Variants in CTNNA2 observed in about 807,000 individuals in gnomAD.
CTNNA2 encodes the protein catenin alpha 2, also known as catenin alpha-2.
Under a neutral mutation model 101.0 loss-of-function variants are expected in CTNNA2, and 42 were observed. The ratio of observed to expected loss-of-function variants is 0.42; its 90% CI spans 0.32 to 0.54. CTNNA2 has a LOEUF of 0.54. CTNNA2 is among the 20% of genes least tolerant of loss of function. The pLI, the probability that CTNNA2 is intolerant of heterozygous loss-of-function variation, is 0.14. For synonymous variants in CTNNA2, 450 were observed against 456.4 expected, an observed-to-expected ratio of 0.99 and a Z score of 0.18; for missense variants, 871 against 1,223.1, an observed-to-expected ratio of 0.71 and a Z score of 4.29.
At chr2:79,962,717 A>C (rs552560546) in intron 7 of CTNNA2, among the ~76,000 whole-genome samples, 1 of 152,182 alleles carries the variant, frequency 6.6e-6, no homozygotes, top group Non-Finnish European at 1.5e-5. Context: ...TGATTGGAGC[A>C]CATGTTGGTG....
intron 1 of CTNNA2, among the ~76,000 whole-genome samples, chr2:79,574,584 C>T (rs988179238): frequency 6.6e-6 from 1 of 152,080 alleles, no homozygotes; most frequent in Non-Finnish European, 1.5e-5. Flanking sequence ...TTACGTGGTA[C>T]GTATGTACCA....
At chr2:79,893,759 G>A (rs1684466471) in intron 6 of CTNNA2, among the ~76,000 whole-genome samples, 1 of 152,106 alleles carries the variant, frequency 6.6e-6, no homozygotes, top group Admixed American at 6.5e-5. Context: ...TAATCCTGCA[G>A]TTTGTTCTTT....
At chr2:79,247,715 A>G (rs1204847635) in intron 2 of CTNNA2, among the ~76,000 whole-genome samples, 3 of 152,228 alleles carry the variant, frequency 2.0e-5, no homozygotes, top group African/African-American at 7.2e-5. Context: ...TAGGGAGATT[A>G]TTCTGGATTT....
chr2:80,108,532 A>T (rs536259906), intron 7 of CTNNA2, among the ~76,000 whole-genome samples: 1 of 152,190 alleles, frequency 6.6e-6, no homozygotes, highest in African/African-American at 2.4e-5. Flanking sequence ...GCCCATGCTC[A>T]TTCAGGATCC....
chr2:79,552,771 G>T (rs1483369016), intron 1 of CTNNA2, among the ~76,000 whole-genome samples: 1 of 152,188 alleles, frequency 6.6e-6, no homozygotes, highest in Non-Finnish European at 1.5e-5. Context: ...TTTAGCTGAG[G>T]CTGGAGCTGG....
chr2:79,192,700 T>C (rs891404729), intron 1 of CTNNA2, among the ~76,000 whole-genome samples: 6 of 152,202 alleles, frequency 3.9e-5, no homozygotes, highest in African/African-American at 1.4e-4. Context: ...AATTAGTTGA[T>C]GAATGACAGA....
intron 4 of CTNNA2, among the ~76,000 whole-genome samples, chr2:79,863,262 G>T (rs1287330197): frequency 6.6e-6 from 1 of 152,156 alleles, no homozygotes; most frequent in African/African-American, 2.4e-5. Context: ...TAGTTAACAT[G>T]GTCAGGACTC....
chr2:79,971,504 C>T lies in CTNNA2; in HGVS notation c.1056+61707C>T, dbSNP rs139526893. 8.5e-3 allele frequency among the ~76,000 whole-genome samples: 1,291 copies of T among 152,210 alleles called. 6 individuals are homozygous for T. Among genetic ancestry groups the T allele is most frequent in the Non-Finnish European group, 0.014 (978 of 68,026 alleles). ...ATCCTAAGGCAGGTGCTATGTTAAG[C>T]ACTTTGCATGGATGACCTCATTTAC... is the stretch of plus-strand genomic sequence containing the variant. On this transcript the variant is annotated intron_variant, in intron 7 of 18. Transcript: ENST00000402739.
chr2:80,552,647 C>T (rs1217906189), intron 11 of CTNNA2, among the ~76,000 whole-genome samples: 6 of 152,220 alleles, frequency 3.9e-5, no homozygotes, highest in Admixed American at 3.9e-4. Context: ...TATTTACACA[C>T]CTAGATGGTA....
intron 7 of CTNNA2, among the ~76,000 whole-genome samples, chr2:80,320,273 A>G (rs1456883123): frequency 6.6e-6 from 1 of 152,210 alleles, no homozygotes; most frequent in Non-Finnish European, 1.5e-5. Flanking sequence ...TTTTGTAAGG[A>G]CCACTTCTAA....
intron 1 of CTNNA2, among the ~76,000 whole-genome samples, chr2:79,535,225 T>G (rs1482457316): frequency 6.8e-6 from 1 of 147,768 alleles, no homozygotes; most frequent in East Asian, 2.0e-4. Flanking sequence ...TATTTTGCTC[T>G]TTTTTTTTTG....
At chr2:79,916,796 GA>G (rs1299072419) in intron 7 of CTNNA2, among the ~76,000 whole-genome samples, 2 of 150,842 alleles carry the variant, frequency 1.3e-5, no homozygotes, top group East Asian at 4.0e-4. Flanking sequence ...CTAATTTTTT[GA>G]ATTCTTAGTA....
intron 2 of CTNNA2, among the ~76,000 whole-genome samples, chr2:79,282,080 T>C (rs2104338841): frequency 6.6e-6 from 1 of 152,294 alleles, no homozygotes; most frequent in Middle Eastern, 3.4e-3. Flanking sequence ...ATCTTCAAGA[T>C]ACCTTTACAT....
chr2:79,802,293 T>C (rs1274263539), intron 3 of CTNNA2, among the ~76,000 whole-genome samples: 1 of 152,198 alleles, frequency 6.6e-6, no homozygotes, highest in Non-Finnish European at 1.5e-5. Context: ...TGTAAATTAT[T>C]GTAACACCAG....
chr2:79,527,934 G>A (rs1436979966), intron 1 of CTNNA2, among the ~76,000 whole-genome samples: 1 of 152,076 alleles, frequency 6.6e-6, no homozygotes, highest in Non-Finnish European at 1.5e-5. Context: ...ATTGAAGAAT[G>A]GACACACAAA....
chr2:79,294,701 T>A (rs1309692841), intron 2 of CTNNA2, among the ~76,000 whole-genome samples: 1 of 152,166 alleles, frequency 6.6e-6, no homozygotes, highest in Non-Finnish European at 1.5e-5. Flanking sequence ...TCATTTTATC[T>A]TTTCTTATTG....
At chr2:80,345,359 C>A (rs1559028782) in intron 7 of CTNNA2, among the ~76,000 whole-genome samples, 1 of 152,192 alleles carries the variant, frequency 6.6e-6, no homozygotes, top group Non-Finnish European at 1.5e-5. Flanking sequence ...GCCCCACTGA[C>A]ATTCATGACT....
intron 4 of CTNNA2, among the ~76,000 whole-genome samples, chr2:79,475,546 C>T (rs994766490): frequency 2.0e-5 from 3 of 152,000 alleles, no homozygotes; most frequent in Non-Finnish European, 2.9e-5. Flanking sequence ...AAGAGATGAA[C>T]AAATCAAAAT....
At chr2:80,596,711 C>T (rs1275236391) in intron 15 of CTNNA2, among the ~76,000 whole-genome samples, 1 of 151,926 alleles carries the variant, frequency 6.6e-6, no homozygotes, top group African/African-American at 2.4e-5. Flanking sequence ...CTTTTTGTTG[C>T]CTGATTGCCC....
Sources: allele counts gnomAD v4.1 joint callset (sites outside exome capture counted in the v4.1 genomes callset), GRCh38; gene constraint gnomAD v4.1.1; transcripts MANE v1.5; gene names NCBI Gene and HGNC (gene_info 2026-07-23, HGNC 2026-07-21).